ASIP: variants seen among roughly 807,000 people sequenced by gnomAD.
ASIP encodes the protein agouti signaling protein.
In ASIP, 11 loss-of-function variants were observed where a neutral mutation model predicts 10.3. The ratio of observed to expected loss-of-function variants is 1.07; its 90% CI spans 0.68 to 1.78. ASIP has a LOEUF of 1.78. Ranked by LOEUF, ASIP falls within the 40% of genes most tolerant of loss-of-function variation. The pLI, the probability that ASIP is intolerant of heterozygous loss-of-function variation, is 0.00. For missense variants in ASIP, 180 were observed against 169.2 expected, an observed-to-expected ratio of 1.06 and a Z score of -0.35; for synonymous variants, 70 against 70.8, an observed-to-expected ratio of 0.99 and a Z score of 0.06.
At chr20:34,192,142 T>C (rs1373997126), upstream of ASIP, among the ~76,000 whole-genome samples, 4 of 152,212 alleles carry the variant, frequency 2.6e-5, no homozygotes, top group African/African-American at 9.6e-5. Flanking sequence ...ATTCAAGTGA[T>C]TCTTCTGCCT....
chr20:34,251,926 A>T (rs1173488087), intron 1 of ASIP, among the ~76,000 whole-genome samples: 1 of 152,222 alleles, frequency 6.6e-6, no homozygotes, highest in Non-Finnish European at 1.5e-5. Flanking sequence ...ACCATGAGAA[A>T]TAAATTTCCG....
At position 34,209,213 on chromosome 20, in the gene ASIP, G is replaced by A. The variant is rs550999037; in HGVS notation, c.-11+14453G>A. Among the ~76,000 whole-genome samples, 8 of 152,312 alleles carry A rather than the reference G, an allele frequency of 5.3e-5. No individual in the cohort carries two copies. The South Asian group carries it at 1.7e-3, about 32-fold the overall frequency. ...GCTGCACATTGCACAGAGCTGGTGG[G>A]AGCCGGCAACAAGTGGGAGCCCTAC... On this transcript the variant is annotated intron_variant, in intron 1 of 3. Coordinates refer to the ASIP transcript ENST00000568305.
intron 1 of ASIP, among the ~76,000 whole-genome samples, chr20:34,244,188 G>A (rs2035332520): frequency 6.6e-6 from 1 of 152,172 alleles, no homozygotes. Flanking sequence ...AACACCGCAA[G>A]TCTTCCTTCC....
intron 1 of ASIP, among the ~76,000 whole-genome samples, chr20:34,195,486 T>TA (rs1384160377): frequency 2.0e-5 from 3 of 152,320 alleles, no homozygotes; most frequent in African/African-American, 7.2e-5. Flanking sequence ...TCAGGGCACT[T>TA]ACGCTGATGG....
intron 1 of ASIP, among the ~76,000 whole-genome samples, chr20:34,258,690 T>TATATATATATATATATATACAC (rs1250992566): frequency 4.1e-5 from 3 of 72,326 alleles, no homozygotes; most frequent in African/African-American, 2.2e-4. Flanking sequence ...TATATATATA[T>TATATATATATATATATATACAC]ACATACTATA....
intron 1 of ASIP, among the ~76,000 whole-genome samples, chr20:34,253,751 G>A (rs531862740): frequency 6.6e-6 from 1 of 152,222 alleles, no homozygotes; most frequent in East Asian, 1.9e-4. Context: ...GCTTATAGGC[G>A]TGAGTGCCGG....
chr20:34,215,248 CAA>C, intron 1 of ASIP: 1 of 1,562,214 alleles, frequency 6.4e-7, no homozygotes, highest in South Asian at 1.1e-5. Flanking sequence ...TAAGTCAATC[CAA>C]GAGACATAAG....
At chr20:34,246,206 T>C in intron 1 of ASIP, 1 of 1,438,002 alleles carries the variant, frequency 7.0e-7, no homozygotes, top group African/African-American at 1.4e-5. Context: ...AGTAAGCTTT[T>C]GTGGTATGGT....
At chr20:34,199,212 A>G (rs911888487) in intron 1 of ASIP, among the ~76,000 whole-genome samples, 5 of 152,076 alleles carry the variant, frequency 3.3e-5, no homozygotes, top group African/African-American at 1.2e-4. Flanking sequence ...GCCACAGTTT[A>G]TTTATCCATT....
At chr20:34,256,340 C>A (rs1367610135) in intron 1 of ASIP, among the ~76,000 whole-genome samples, 3 of 152,186 alleles carry the variant, frequency 2.0e-5, no homozygotes, top group Non-Finnish European at 4.4e-5. Flanking sequence ...GTAGTGGTCC[C>A]CCGGACCCAG....
At chr20:34,252,504 T>A (rs923450808) in intron 1 of ASIP, among the ~76,000 whole-genome samples, 1 of 152,184 alleles carries the variant, frequency 6.6e-6, no homozygotes, top group African/African-American at 2.4e-5. Flanking sequence ...TTGTTGTCAG[T>A]ATATCTCCCC....
chr20:34,220,600 A>G (rs2035039392), intron 1 of ASIP, among the ~76,000 whole-genome samples: 1 of 151,982 alleles, frequency 6.6e-6, no homozygotes, highest in African/African-American at 2.4e-5. Flanking sequence ...CTCTCAAAAA[A>G]AAAAAAAAGA....
intron 1 of ASIP, among the ~76,000 whole-genome samples, chr20:34,253,447 T>TTTTATTTATTTA (rs36107431): frequency 1.7e-4 from 18 of 103,808 alleles, no homozygotes; most frequent in Admixed American, 1.3e-3. Context: ...TTTTATTTTA[T>TTTTATTTATTTA]TTTATTTATT....
At chr20:34,212,289 T>C (rs2034979650) in intron 1 of ASIP, among the ~76,000 whole-genome samples, 1 of 152,222 alleles carries the variant, frequency 6.6e-6, no homozygotes, top group Non-Finnish European at 1.5e-5. Flanking sequence ...TCTCTGATTG[T>C]TAATACTTTG....
chr20:34,246,737 C>T (rs1490730893), intron 1 of ASIP, among the ~76,000 whole-genome samples: 3 of 152,278 alleles, frequency 2.0e-5, no homozygotes, highest in South Asian at 2.1e-4. Context: ...GGATTACAGG[C>T]GTGAGCCCCT....
rs1555826886 is a variant in ASIP, at chr20:34,258,690, T to TAC, written c.-10-1673_-10-1672dup. On this transcript the variant is annotated intron_variant, in intron 1 of 3. Coordinates refer to ENST00000374954, the MANE Select transcript of ASIP (RefSeq NM_001672.3). ...GGGGGATGCCATATATATATATATA[T>TAC]ACATACTATATATATATATTATATA... Among the ~76,000 whole-genome samples, 2 of 72,326 alleles carry TAC rather than the reference T, an allele frequency of 2.8e-5. 1 individual carries two copies. Among genetic ancestry groups the TAC allele is most frequent in the African/African-American group, 1.5e-4 (2 of 13,568 alleles). 47.4% of individuals were successfully genotyped at this position (72,326 alleles called of 152,430 possible).
At chr20:34,204,185 T>C (rs1488790258) in intron 1 of ASIP, among the ~76,000 whole-genome samples, 4 of 152,050 alleles carry the variant, frequency 2.6e-5, no homozygotes, top group Non-Finnish European at 5.9e-5. Flanking sequence ...GTATGTGTAG[T>C]GTGTGTAGTG....
chr20:34,214,526 C>T (rs2034994789), intron 1 of ASIP: 2 of 1,504,956 alleles, frequency 1.3e-6, no homozygotes, highest in African/African-American at 1.4e-5. Flanking sequence ...CTTATTGCTA[C>T]TTCAACTTCC....
the ASIP span, among the ~76,000 whole-genome samples, chr20:34,187,259 T>G: frequency 6.6e-6 from 1 of 152,264 alleles, no homozygotes; most frequent in East Asian, 1.9e-4. Flanking sequence ...AATTGGTTCT[T>G]TTTTTTGTAT....
Sources: allele counts gnomAD v4.1 joint callset (sites outside exome capture counted in the v4.1 genomes callset), GRCh38; gene constraint gnomAD v4.1.1; transcripts MANE v1.5; gene names NCBI Gene and HGNC (gene_info 2026-07-23, HGNC 2026-07-21).